ARSJ: variants seen among roughly 807,000 people sequenced by gnomAD.
ARSJ encodes arylsulfatase J.
A neutral mutation model predicts 35.9 loss-of-function variants in ARSJ; 26 were observed. That is an observed-to-expected ratio of 0.72 (90% CI 0.53 to 1.00). The LOEUF (loss-of-function observed/expected upper bound fraction) is 1.00, where lower values mean the gene tolerates loss of function less well. Ranked by LOEUF, ARSJ falls within the 50% of genes least tolerant of loss-of-function variation. The pLI, the probability that ARSJ is intolerant of heterozygous loss-of-function variation, is 0.00. For missense variants in ARSJ, 667 were observed against 723.6 expected (o/e 0.92, Z 0.90); for synonymous variants, 294 against 267.6 (o/e 1.10, Z -0.96).
At chr4:113,906,173 A>G (rs970913085) in intron 1 of ARSJ, among the ~76,000 whole-genome samples, 1 of 152,220 alleles carries the variant, frequency 6.6e-6, no homozygotes, top group Non-Finnish European at 1.5e-5. Context: ...AATTTTGGGA[A>G]TCATTTATGG....
Position 113,901,112 on chromosome 4 carries a change from A to G in ARSJ, c.*1162T>C, listed in dbSNP as rs2099666908. 1 of 152,178 alleles carries G rather than the reference A, an allele frequency of 6.6e-6. No individual in the cohort carries two copies. The highest frequency in any genetic ancestry group is 1.9e-4 in the East Asian group (1 of 5,200). The allele number at this position is 152,178 out of a possible 1,614,324, so 9.4% of individuals were successfully genotyped here. ...TTCCTTCAATTGCCTATTAGTAAAGATTTTTATTTTTTAGGACCAATGATA... is the reference window on the plus strand; with the variant it reads ...TTCCTTCAATTGCCTATTAGTAAAGGTTTTTATTTTTTAGGACCAATGATA... On this transcript the variant is annotated 3_prime_UTR_variant, in exon 2 of 2. Coordinates refer to ENST00000315366, the MANE Select transcript of ARSJ (RefSeq NM_024590.4).
At chr4:113,958,336 G>T (rs1726319782) in intron 1 of ARSJ, among the ~76,000 whole-genome samples, 1 of 151,996 alleles carries the variant, frequency 6.6e-6, no homozygotes, top group Admixed American at 6.6e-5. Context: ...AAGGACAGAG[G>T]TATAGAAGCA....
At chr4:113,958,335 G>T (rs1456851094) in intron 1 of ARSJ, among the ~76,000 whole-genome samples, 1 of 151,926 alleles carries the variant, frequency 6.6e-6, no homozygotes, top group Non-Finnish European at 1.5e-5. Flanking sequence ...TAAGGACAGA[G>T]GTATAGAAGC....
At chr4:113,942,072 T>C (rs1470133350) in intron 1 of ARSJ, among the ~76,000 whole-genome samples, 2 of 151,924 alleles carry the variant, frequency 1.3e-5, no homozygotes, top group Non-Finnish European at 2.9e-5. Context: ...AGGAATCTTG[T>C]TAAGTAAATG....
Position 113,979,502 on chromosome 4 carries a change from T to A in ARSJ, c.-668A>T, listed in dbSNP as rs1420905197. On this transcript the variant is annotated 5_prime_UTR_variant, in exon 1 of 2. Coordinates refer to ENST00000315366, the MANE Select transcript of ARSJ (RefSeq NM_024590.4). ...AGCCGTTTCCTGATCTCCCTCCACCTCCGCAGAAACTCCGGGCAGCAATTC... is the reference window on the plus strand; with the variant it reads ...AGCCGTTTCCTGATCTCCCTCCACCACCGCAGAAACTCCGGGCAGCAATTC... The A allele has an allele frequency of 6.6e-6, 1 of 152,266 alleles. No individual in the cohort carries two copies. Among genetic ancestry groups the A allele is most frequent in the African/African-American group, 2.4e-5 (1 of 41,426 alleles). The allele number at this position is 152,266 out of a possible 1,614,324, so 9.4% of individuals were successfully genotyped here.
At chr4:113,952,513 T>G (rs1725924826) in intron 1 of ARSJ, among the ~76,000 whole-genome samples, 1 of 152,080 alleles carries the variant, frequency 6.6e-6, no homozygotes, top group African/African-American at 2.4e-5. Flanking sequence ...TGGCATGTAA[T>G]GTAATGCACT....
At chr4:113,949,018 G>A (rs528355506) in intron 1 of ARSJ, among the ~76,000 whole-genome samples, 56 of 152,196 alleles carry the variant, frequency 3.7e-4, no homozygotes, top group African/African-American at 1.2e-3. Flanking sequence ...TATAAAAAAA[G>A]AATGAGTTCA....
intron 1 of ARSJ, among the ~76,000 whole-genome samples, chr4:113,968,935 A>G (rs1186560324): frequency 6.6e-6 from 1 of 152,200 alleles, no homozygotes; most frequent in Non-Finnish European, 1.5e-5. Context: ...TGAACCCTAA[A>G]ACAATATATT....
At chr4:113,939,280 T>G (rs989812960) in intron 1 of ARSJ, among the ~76,000 whole-genome samples, 1 of 136,592 alleles carries the variant, frequency 7.3e-6, no homozygotes, top group African/African-American at 2.7e-5. Flanking sequence ...CATGTGTATA[T>G]GTGCCACATT....
At chr4:113,931,403 G>A (rs767538559) in intron 1 of ARSJ, among the ~76,000 whole-genome samples, 2 of 151,976 alleles carry the variant, frequency 1.3e-5, no homozygotes, top group African/African-American at 4.8e-5. Context: ...AAACATAAAG[G>A]GTACAGAAGA....
chr4:113,940,470 C>T (rs1220312218), intron 1 of ARSJ, among the ~76,000 whole-genome samples: 1 of 151,984 alleles, frequency 6.6e-6, no homozygotes, highest in Non-Finnish European at 1.5e-5. Context: ...AGGGGAACAA[C>T]ACACACTGGG....
intron 1 of ARSJ, among the ~76,000 whole-genome samples, chr4:113,939,660 A>T (rs1310278925): frequency 6.6e-6 from 1 of 152,106 alleles, no homozygotes; most frequent in Non-Finnish European, 1.5e-5. Flanking sequence ...TCTGATGGCC[A>T]GTGATGATGA....
At chr4:113,942,660 G>A (rs1033349427) in intron 1 of ARSJ, among the ~76,000 whole-genome samples, 4 of 152,052 alleles carry the variant, frequency 2.6e-5, no homozygotes, top group Non-Finnish European at 4.4e-5. Context: ...CAGTGGTTAT[G>A]AGTGATCTTT....
intron 1 of ARSJ, among the ~76,000 whole-genome samples, chr4:113,953,545 A>G (rs1725989160): frequency 6.6e-6 from 1 of 151,476 alleles, no homozygotes; most frequent in South Asian, 2.1e-4. Context: ...GACAATTTGA[A>G]TTTCCAATAG....
In ARSJ at chr4:113,901,234, G is replaced by T. The variant is rs2099666941; in HGVS notation, c.*1040C>A. Reference sequence around the variant, plus strand: ...TAATTAAGATACATAAATAGTTTATGATAGAAACAATAAAGTTGTCTCAAC... The same window carrying T: ...TAATTAAGATACATAAATAGTTTATTATAGAAACAATAAAGTTGTCTCAAC... On this transcript the variant is annotated 3_prime_UTR_variant, in exon 2 of 2. Coordinates refer to ENST00000315366, the MANE Select transcript of ARSJ (RefSeq NM_024590.4). 6.6e-6 allele frequency: 1 copy of T among 152,094 alleles called. No homozygotes were observed. Among genetic ancestry groups the T allele is most frequent in the South Asian group, 2.1e-4 (1 of 4,820 alleles). The allele number at this position is 152,094 out of a possible 1,614,324, so 9.4% of individuals were successfully genotyped here. A position where few individuals can be genotyped will look rare whatever the true frequency, so the allele number is the denominator to read the frequency against.
At chr4:113,921,518 A>T (rs1723679606) in intron 1 of ARSJ, among the ~76,000 whole-genome samples, 1 of 152,150 alleles carries the variant, frequency 6.6e-6, no homozygotes, top group South Asian at 2.1e-4. Context: ...AAGCATAAGG[A>T]ATGTAACCTT....
In ARSJ at chr4:113,913,041, G is replaced by A. The variant is rs577516187; in HGVS notation, c.399-9366C>T. Among the ~76,000 whole-genome samples, 40 of 152,246 alleles carry A rather than the reference G, an allele frequency of 2.6e-4. No individual in the cohort carries two copies. In the South Asian group the frequency reaches 8.1e-3, roughly 31 times the overall value. ...CACTCATCTCCTGTTCTGCCTAGCA[G>A]GGACATCTACTCAGGAGATTACCTT... On this transcript the variant is annotated intron_variant, in intron 1 of 1. Coordinates refer to ENST00000315366, the MANE Select transcript of ARSJ (RefSeq NM_024590.4).
At chr4:113,914,634 T>C (rs11930201) in intron 1 of ARSJ, among the ~76,000 whole-genome samples, 107,032 of 151,610 alleles carry the variant, frequency 0.71, 38,579 homozygotes, top group East Asian at 0.81. Context: ...GACATATCAG[T>C]GTCTTAGCTG....
intron 1 of ARSJ, among the ~76,000 whole-genome samples, chr4:113,929,300 G>A (rs537628714): frequency 1.1e-4 from 16 of 152,244 alleles, no homozygotes; most frequent in African/African-American, 3.8e-4. Context: ...AAACAGGGGT[G>A]TTGGGGTGGC....
Sources: allele counts gnomAD v4.1 joint callset (sites outside exome capture counted in the v4.1 genomes callset), GRCh38; gene constraint gnomAD v4.1.1; transcripts MANE v1.5; gene names NCBI Gene and HGNC (gene_info 2026-07-23, HGNC 2026-07-21).